MCF2L: variants seen among roughly 807,000 people sequenced by gnomAD.
MCF2L encodes guanine nucleotide exchange factor DBS.
A neutral mutation model predicts 153.4 loss-of-function variants in MCF2L; 97 were observed. The observed-to-expected ratio is 0.63, with a 90% CI of 0.54 to 0.75. MCF2L has a LOEUF of 0.75. MCF2L is among the 30% of genes least tolerant of loss of function. The pLI, the probability that MCF2L is intolerant of heterozygous loss-of-function variation, is 0.00. For missense variants in MCF2L, 1,347 were observed against 1,495.2 expected, an observed-to-expected ratio of 0.90 and a Z score of 1.64; for synonymous variants, 659 against 632.2, an observed-to-expected ratio of 1.04 and a Z score of -0.64.
intron 4 of MCF2L, among the ~76,000 whole-genome samples, chr13:113,058,148 GTGTT>G (rs1182739461): frequency 1.3e-5 from 2 of 150,164 alleles, no homozygotes; most frequent in African/African-American, 2.5e-5. Flanking sequence ...TGGGCGCTGT[GTGTT>G]TGGGCGCTGA....
At chr13:113,086,048 G>A in intron 20 of MCF2L, 76 bp from the exon 21 acceptor site, 2 of 1,487,084 alleles carry the variant, frequency 1.3e-6, no homozygotes, top group Non-Finnish European at 1.8e-6. Flanking sequence ...CTCGTGCCAA[G>A]CTCCTGAGGG....
At chr13:112,992,130 A>G (rs1299607104) in intron 1 of MCF2L, among the ~76,000 whole-genome samples, 4 of 152,216 alleles carry the variant, frequency 2.6e-5, no homozygotes, top group Non-Finnish European at 5.9e-5. Flanking sequence ...ACAGTGTATA[A>G]AATTACCTTC....
At chr13:113,086,850 C>T (rs183216594) in intron 21 of MCF2L, among the ~76,000 whole-genome samples, 3 of 152,242 alleles carry the variant, frequency 2.0e-5, no homozygotes, top group Admixed American at 2.0e-4. Flanking sequence ...TGACATTTAG[C>T]ATGGGTGCCA....
chr13:112,976,524 G>C (rs570870633), intron 1 of MCF2L, among the ~76,000 whole-genome samples: 12 of 152,184 alleles, frequency 7.9e-5, no homozygotes, highest in Non-Finnish European at 1.6e-4. Context: ...CTCTGGGCTC[G>C]GCCTTCAGGT....
chr13:112,922,774 G>T (rs1235026039), intron 2 of MCF2L, among the ~76,000 whole-genome samples: 1 of 152,250 alleles, frequency 6.6e-6, no homozygotes, highest in African/African-American at 2.4e-5. Flanking sequence ...GGCGGAGGTT[G>T]CAGTGAGCTG....
At chr13:113,069,920 G>C (rs1286329895) in intron 8 of MCF2L, 139 bp from the exon 9 acceptor site, 1 of 556,218 alleles carries the variant, frequency 1.8e-6, no homozygotes, top group East Asian at 3.6e-5. Flanking sequence ...AGGTTTAGGT[G>C]CAGGGAGTGA....
At chr13:112,918,419 C>T (rs1046279939) in intron 2 of MCF2L, among the ~76,000 whole-genome samples, 13 of 152,206 alleles carry the variant, frequency 8.5e-5, no homozygotes, top group Admixed American at 2.0e-4. Flanking sequence ...TTCACTTCCC[C>T]GTGGGGTTTC....
At chr13:112,946,920 C>T (rs1047393080) in intron 2 of MCF2L, among the ~76,000 whole-genome samples, 32 of 152,270 alleles carry the variant, frequency 2.1e-4, no homozygotes, top group Admixed American at 6.5e-4. Context: ...AGAATAGTCA[C>T]GGGCCTGAGG....
At chr13:113,089,000 GC>G (rs1240847112) in intron 25 of MCF2L, among the ~76,000 whole-genome samples, 2 of 152,198 alleles carry the variant, frequency 1.3e-5, no homozygotes, top group Non-Finnish European at 2.9e-5. Context: ...CCTGACCGTG[GC>G]TTCGTCGTGT....
At chr13:112,989,858 G>A (rs2082829935) in intron 1 of MCF2L, among the ~76,000 whole-genome samples, 1 of 152,260 alleles carries the variant, frequency 6.6e-6, no homozygotes, top group South Asian at 2.1e-4. Flanking sequence ...TTTCATGGAA[G>A]ATAACTTTTC....
At chr13:113,002,902 T>C (rs188669290) in intron 1 of MCF2L, among the ~76,000 whole-genome samples, 55 of 152,124 alleles carry the variant, frequency 3.6e-4, no homozygotes, top group African/African-American at 1.2e-3. Context: ...GGTACAGCAG[T>C]TCACGCCTGT....
intron 3 of MCF2L, among the ~76,000 whole-genome samples, chr13:113,026,645 G>T (rs140555151): frequency 6.6e-6 from 1 of 152,364 alleles, no homozygotes; most frequent in East Asian, 1.9e-4. Context: ...GGGACCTGAT[G>T]CTCATGGGAG....
At chr13:112,949,347 A>G (rs1466160459) in intron 2 of MCF2L, among the ~76,000 whole-genome samples, 2 of 152,236 alleles carry the variant, frequency 1.3e-5, no homozygotes, top group African/African-American at 4.8e-5. Context: ...ATCTTTTCCA[A>G]AAAATAGAGG....
At chr13:113,024,528 G>A (rs1050731693) in intron 2 of MCF2L, 116 bp from the exon 3 acceptor site, 6 of 652,174 alleles carry the variant, frequency 9.2e-6, no homozygotes, top group Middle Eastern at 3.0e-4. Flanking sequence ...CAACGATGAA[G>A]AACATGCCTC....
chr13:113,019,451 T>A (rs2084743617), intron 2 of MCF2L, among the ~76,000 whole-genome samples: 1 of 152,172 alleles, frequency 6.6e-6, no homozygotes, highest in Admixed American at 6.5e-5. Flanking sequence ...CAGACAGACG[T>A]TCCCTGCCCG....
At chr13:112,897,401 C>T (rs551066984) in intron 1 of MCF2L, among the ~76,000 whole-genome samples, 17 of 152,342 alleles carry the variant, frequency 1.1e-4, no homozygotes, top group African/African-American at 3.6e-4. Flanking sequence ...GAAGCCCACT[C>T]CTCCTCCCCA....
chr13:112,944,369 G>A (rs944301964), intron 2 of MCF2L, among the ~76,000 whole-genome samples: 6 of 152,090 alleles, frequency 3.9e-5, no homozygotes, highest in Admixed American at 3.9e-4. Flanking sequence ...GCGTATGTGT[G>A]CTCTGGTGTC....
intron 1 of MCF2L, among the ~76,000 whole-genome samples, chr13:112,991,372 ATCTCCCAGGACCTGATTCG>A: frequency 7.6e-6 from 1 of 131,622 alleles, no homozygotes; most frequent in South Asian, 2.7e-4. Context: ...TTTGGGGGGC[ATCTCCCAGGACCTGATTCG>A]CTGTGTTTTG....
intron 2 of MCF2L, among the ~76,000 whole-genome samples, chr13:112,926,602 T>C (rs999355884): frequency 1.3e-5 from 2 of 152,218 alleles, no homozygotes; most frequent in African/African-American, 4.8e-5. Context: ...GCTTCATCTA[T>C]ATACACACAG....
Sources: allele counts gnomAD v4.1 joint callset (sites outside exome capture counted in the v4.1 genomes callset), GRCh38; gene constraint gnomAD v4.1.1; transcripts MANE v1.5; gene names NCBI Gene and HGNC (gene_info 2026-07-23, HGNC 2026-07-21).